The following DOK4 variants were observed in gnomAD, a reference collection of about 807,000 sequenced individuals.
The protein encoded by DOK4 is docking protein 4.
Under a neutral mutation model 40.1 loss-of-function variants are expected in DOK4, and 26 were observed. The ratio of observed to expected loss-of-function variants is 0.65; its 90% confidence interval spans 0.48 to 0.90. The LOEUF is 0.90. DOK4 is among the 40% of genes least tolerant of loss of function. The pLI is 0.00. For missense variants in DOK4, 392 were observed against 437.2 expected (o/e 0.90, Z 0.92); for synonymous variants, 179 against 177.0 (o/e 1.01, Z -0.09).
chr16:57,477,592 G>A (rs1300351086), intron 2 of DOK4, among the ~76,000 whole-genome samples: 2 of 152,224 alleles, frequency 1.3e-5, no homozygotes, highest in South Asian at 2.1e-4. Context: ...TGAGCATGCC[G>A]GTTGCCTGGT....
At chr16:57,474,914 T>C in exon 6 of DOK4, 1 of 1,614,020 alleles carries the variant, frequency 6.2e-7, no homozygotes, top group Non-Finnish European at 8.5e-7. Context: ...TTCTCGTGGG[T>C]GATCTGCAGC....
intron 1 of DOK4, among the ~76,000 whole-genome samples, chr16:57,481,214 G>A (rs1365585952): frequency 6.6e-6 from 1 of 152,128 alleles, no homozygotes; most frequent in Non-Finnish European, 1.5e-5. Context: ...GACTACCCCA[G>A]TGGGCACACG....
At chr16:57,483,400 G>A (rs1190365339) in intron 1 of DOK4, among the ~76,000 whole-genome samples, 2 of 152,212 alleles carry the variant, frequency 1.3e-5, no homozygotes, top group Non-Finnish European at 2.9e-5. Flanking sequence ...GGAGGCCAAA[G>A]TGGGAGGATC....
intron 6 of DOK4, 25 bp downstream of exon 6, chr16:57,474,768 G>A (rs2031063048): frequency 1.9e-6 from 3 of 1,609,938 alleles, no homozygotes; most frequent in Non-Finnish European, 2.5e-6. Context: ...TAGTAGGACA[G>A]GGCTGGGAGG....
At position 57,483,619 on chromosome 16, in the gene DOK4, G is replaced by A. The variant is rs116738708; in HGVS notation, c.-182+2686C>T. ...CACTCCAGCCTGGGTGATAGAGTGA[G>A]ACTGTTTCTAAAAAATTTCAAAAAA... On this transcript the variant is annotated intron_variant, in intron 1 of 8. Coordinates refer to ENST00000340099, the Ensembl canonical transcript of DOK4. Among the ~76,000 whole-genome samples the A allele has an allele frequency of 4.4e-3, 670 of 152,228 alleles. 5 individuals are homozygous for A. The highest frequency in any genetic ancestry group is 0.015 in the African/African-American group (626 of 41,518).
exon 9 of DOK4, chr16:57,472,429 A>AT (rs1395373491): frequency 6.5e-6 from 1 of 152,726 alleles, no homozygotes; most frequent in African/African-American, 2.4e-5. Flanking sequence ...CCTCAGCACC[A>AT]TGTGGGGAGG....
Position 57,474,616 on chromosome 16 carries a change from TTACTCCTCTAA to T in DOK4, c.599+166_599+176del, listed in dbSNP as rs2031053273. The T allele has an allele frequency of 1.2e-5, 10 of 801,864 alleles. No homozygotes were observed. In the Middle Eastern group the frequency reaches 1.5e-3, roughly 117 times the overall value. The allele number at this position is 801,864 out of a possible 1,614,324, so 49.7% of individuals were successfully genotyped here. A position where few individuals can be genotyped will look rare whatever the true frequency, so the allele number is the denominator to read the frequency against. ...ACTTGACCTGCATGCTGTGGGCAAG[TTACTCCTCTAA>T]GCCTCCATTTCATTTCTTCGTCTGT... On this transcript the variant is annotated intron_variant, in intron 6 of 8. Coordinates refer to ENST00000340099, the Ensembl canonical transcript of DOK4.
chr16:57,480,682 G>C (rs2031382533), intron 1 of DOK4, among the ~76,000 whole-genome samples: 1 of 152,116 alleles, frequency 6.6e-6, no homozygotes, highest in South Asian at 2.1e-4. Context: ...GGGATACCAA[G>C]GGGAGGTAGA....
chr16:57,475,362 C>G, intron 4 of DOK4, 143 bp from the exon 5 acceptor site: 1 of 1,450,200 alleles, frequency 6.9e-7, no homozygotes, highest in Non-Finnish European at 9.4e-7. Context: ...CCCTGAGGGC[C>G]TGCTCCCTGA....
chr16:57,482,432 T>C (rs1348430222), intron 1 of DOK4, among the ~76,000 whole-genome samples: 9 of 129,600 alleles, frequency 6.9e-5, no homozygotes, highest in African/African-American at 2.6e-4. Context: ...AGTGGCCCAA[T>C]CTCGGCTCAT....
chr16:57,475,971 T>A lies in DOK4; in HGVS notation c.67-14A>T. 2 of 1,607,098 alleles carry A rather than the reference T, an allele frequency of 1.2e-6. No individual in the cohort carries two copies. The highest frequency in any genetic ancestry group is 1.7e-6 in the Non-Finnish European group (2 of 1,176,540). On this transcript the variant is annotated splice_polypyrimidine_tract_variant and intron_variant, in intron 2 of 8. Transcript: ENST00000340099. Reference sequence around the variant, plus strand: ...CCTCCGGTAGATCTGTGGAGCGAGATGACAGGGCTCAGGCCTCCCTGGACC... The same window carrying A: ...CCTCCGGTAGATCTGTGGAGCGAGAAGACAGGGCTCAGGCCTCCCTGGACC...
rs537608052 is a variant in DOK4, at chr16:57,481,512, C to T, written c.-181-1824G>A. ...TCAATTTTCTCAGCTCTGTCTTCAC[C>T]GCCTGCCTCTGGGGCTGCCTTCTCC... On this transcript the variant is annotated intron_variant, in intron 1 of 8. Transcript: ENST00000340099. 266 of 152,356 alleles carry T rather than the reference C, an allele frequency of 1.7e-3. 1 individual carries two copies. Among genetic ancestry groups the T allele is most frequent in the Non-Finnish European group, 3.1e-3 (211 of 68,080 alleles). 9.4% of individuals were successfully genotyped at this position (152,356 alleles called of 1,614,324 possible).
At chr16:57,482,913 C>T (rs1274063265) in intron 1 of DOK4, among the ~76,000 whole-genome samples, 22 of 152,228 alleles carry the variant, frequency 1.4e-4, no homozygotes, top group Admixed American at 1.4e-3. Flanking sequence ...CAGTGTTGCC[C>T]CACCAGGGAC....
exon 5 of DOK4, chr16:57,475,168 G>C: frequency 1.2e-6 from 2 of 1,614,016 alleles, no homozygotes; most frequent in South Asian, 1.1e-5. Context: ...GTTGAGGCGG[G>C]ACCCCAGACA....
intron 1 of DOK4, among the ~76,000 whole-genome samples, chr16:57,483,072 A>G (rs1484638379): frequency 6.6e-6 from 1 of 152,202 alleles, no homozygotes; most frequent in Non-Finnish European, 1.5e-5. Context: ...CCTGAGTCAC[A>G]GGGACCCCTG....
rs973962642 is a variant in DOK4 at position 57,479,029 on chromosome 16, G to A, written c.66+413C>T. ...AGGCCAGGAGAGGTGAGGGGAGGCCGGGGGTGGGGGGCAAACGGAAGGGAG... is the reference window on the plus strand; with the variant it reads ...AGGCCAGGAGAGGTGAGGGGAGGCCAGGGGTGGGGGGCAAACGGAAGGGAG... On this transcript the variant is annotated intron_variant, in intron 2 of 8. Transcript: ENST00000340099. This position sits in a 1 kb window ranked among gnomAD's most constrained non-coding sequence, Gnocchi z 5.8. Among the ~76,000 whole-genome samples the A allele has an allele frequency of 1.1e-4, 16 of 152,122 alleles. No homozygotes were observed. Among genetic ancestry groups the A allele is most frequent in the African/African-American group, 3.4e-4 (14 of 41,432 alleles).
chr16:57,474,993 G>A lies in DOK4; in HGVS notation c.410-11C>T, dbSNP rs1429376588. 6.2e-7 allele frequency: 1 copy of A among 1,603,502 alleles called. No individual in the cohort carries two copies. The highest frequency in any genetic ancestry group is 8.5e-7 in the Non-Finnish European group (1 of 1,172,934). On this transcript the variant is annotated splice_polypyrimidine_tract_variant and intron_variant, in intron 5 of 8. Transcript: ENST00000340099. The stretch of plus-strand genomic sequence containing the variant: ...AGACATTGAAGCGATCTGGAGTGGG[G>A]GAGGGTGGACAAGTGGGACCAGAGT...
exon 1 of DOK4, chr16:57,486,493 C>G (rs1288239040): frequency 1.3e-5 from 2 of 151,880 alleles, no homozygotes; most frequent in South Asian, 1.9e-4. Context: ...GCTGGGACTC[C>G]GCTCCGCTCC....
chr16:57,473,206 TG>T, exon 9 of DOK4: 1 of 961,346 alleles, frequency 1.0e-6, no homozygotes, highest in Non-Finnish European at 1.5e-6. Flanking sequence ...TCAGGTGGTG[TG>T]GCCAGCCCTT....
Sources: allele counts gnomAD v4.1 joint callset (sites outside exome capture counted in the v4.1 genomes callset), GRCh38; gene constraint gnomAD v4.1.1; non-coding constraint Gnocchi (gnomAD v3.1); transcripts MANE v1.5; gene names NCBI Gene and HGNC (gene_info 2026-07-23, HGNC 2026-07-21).